Variants in ZNF385D observed in about 807,000 individuals in gnomAD.
ZNF385D encodes zinc finger protein 385D, also known as zinc finger protein 659.
Under a neutral mutation model 35.8 loss-of-function variants are expected in ZNF385D, and 15 were observed. The ratio of observed to expected loss-of-function variants is 0.42; its 90% CI spans 0.28 to 0.64. The LOEUF (loss-of-function observed/expected upper bound fraction) is 0.64. Ranked by LOEUF, ZNF385D falls within the 30% of genes least tolerant of loss-of-function variation. The probability of loss-of-function intolerance (pLI) is 0.23; values close to 1 mark genes in which losing one functional copy is unlikely to be tolerated. For missense variants in ZNF385D, 474 were observed against 494.6 expected, an observed-to-expected ratio of 0.96 and a Z score of 0.39; for synonymous variants, 212 against 186.8, an observed-to-expected ratio of 1.13 and a Z score of -1.10.
At chr3:21,564,389 A>G (rs867753818) in intron 3 of ZNF385D, among the ~76,000 whole-genome samples, 185 bp downstream of exon 3, 3 of 152,370 alleles carry the variant, frequency 2.0e-5, no homozygotes, top group Middle Eastern at 3.4e-3. Context: ...AATTTTCTGT[A>G]GTAAACAACC....
intron 3 of ZNF385D, among the ~76,000 whole-genome samples, chr3:21,771,428 G>C (rs2071074464): frequency 6.6e-6 from 1 of 151,794 alleles, no homozygotes; most frequent in Non-Finnish European, 1.5e-5. Context: ...CCAGTTTTTA[G>C]CAAGAAAATA....
At chr3:21,815,979 T>A (rs1002629851) in intron 3 of ZNF385D, among the ~76,000 whole-genome samples, 7 of 152,112 alleles carry the variant, frequency 4.6e-5, no homozygotes, top group Non-Finnish European at 1.0e-4. Flanking sequence ...AAAGCTTAAC[T>A]GCCATGATCA....
chr3:22,271,195 G>T (rs1701158758), intron 2 of ZNF385D, among the ~76,000 whole-genome samples: 1 of 147,716 alleles, frequency 6.8e-6, no homozygotes, highest in Non-Finnish European at 1.5e-5. Flanking sequence ...ATTGAGCATT[G>T]TCTTTGAGCT....
rs1466084496 is a variant in ZNF385D at position 21,814,880 on chromosome 3, ATTC to A, written c.326-149855_326-149853del. Among the ~76,000 whole-genome samples the A allele has an allele frequency of 8.5e-5, 13 of 152,328 alleles. No homozygotes were observed. In the East Asian group the frequency reaches 2.5e-3, roughly 29 times the overall value. On this transcript the variant is annotated intron_variant, in intron 3 of 5. Coordinates refer to the ZNF385D transcript ENST00000494108. ...TCCACCCCAAATCAACAGAATATAC[ATTC>A]TTCTCAGCACTACATCACACTTATT...
chr3:21,954,435 A>T (rs1011993793), intron 3 of ZNF385D, among the ~76,000 whole-genome samples: 1 of 151,970 alleles, frequency 6.6e-6, no homozygotes, highest in Admixed American at 6.6e-5. Flanking sequence ...GCTCACAAGG[A>T]TCTAAGGAGC....
intron 4 of ZNF385D, among the ~76,000 whole-genome samples, chr3:21,468,222 G>A (rs1254204981): frequency 6.6e-6 from 1 of 151,560 alleles, no homozygotes; most frequent in African/African-American, 2.4e-5. Flanking sequence ...GGCCAACATG[G>A]TGAAACCCAT....
At chr3:21,816,909 C>T (rs961787145) in intron 3 of ZNF385D, among the ~76,000 whole-genome samples, 10 of 152,170 alleles carry the variant, frequency 6.6e-5, no homozygotes, top group African/African-American at 9.7e-5. Flanking sequence ...AAGCTGGAGG[C>T]ATCACACTAC....
At chr3:22,337,322 C>A (rs996755967) in intron 2 of ZNF385D, among the ~76,000 whole-genome samples, 1 of 152,016 alleles carries the variant, frequency 6.6e-6, no homozygotes, top group African/African-American at 2.4e-5. Context: ...TCACTTGAGG[C>A]CAGGAGTTCA....
intron 2 of ZNF385D, among the ~76,000 whole-genome samples, chr3:22,306,558 A>G (rs551709908): frequency 1.4e-3 from 214 of 152,244 alleles, no homozygotes; most frequent in African/African-American, 4.9e-3. Flanking sequence ...ACTGCCGTCT[A>G]TGCAGTGGGA....
At chr3:21,978,574 T>A (rs933612447) in intron 3 of ZNF385D, among the ~76,000 whole-genome samples, 2 of 152,218 alleles carry the variant, frequency 1.3e-5, no homozygotes, top group African/African-American at 4.8e-5. Flanking sequence ...ACGTTTGTAA[T>A]CAGATTTTGC....
At chr3:22,091,813 G>C (rs576509735) in intron 3 of ZNF385D, among the ~76,000 whole-genome samples, 5 of 152,170 alleles carry the variant, frequency 3.3e-5, no homozygotes, top group East Asian at 1.9e-4. Context: ...CTAAACATTT[G>C]TATGTCTCCT....
intron 3 of ZNF385D, among the ~76,000 whole-genome samples, chr3:21,816,187 A>G (rs1386298929): frequency 6.6e-6 from 1 of 152,210 alleles, no homozygotes; most frequent in Non-Finnish European, 1.5e-5. Flanking sequence ...TCTCAAAATA[A>G]TAAGAGCTAT....
upstream of ZNF385D, among the ~76,000 whole-genome samples, chr3:21,752,334 C>G (rs1212678541): frequency 6.6e-6 from 1 of 152,056 alleles, no homozygotes; most frequent in Non-Finnish European, 1.5e-5. Context: ...CAAATATAAA[C>G]AAAGAACTGT....
chr3:22,125,173 T>C (rs112918013), intron 3 of ZNF385D, among the ~76,000 whole-genome samples: 3 of 152,164 alleles, frequency 2.0e-5, no homozygotes, highest in African/African-American at 7.2e-5. Flanking sequence ...GAAGAGACTA[T>C]CCTTTTCCCA....
At chr3:21,822,361 C>T (rs893721599) in intron 3 of ZNF385D, among the ~76,000 whole-genome samples, 5 of 152,064 alleles carry the variant, frequency 3.3e-5, no homozygotes, top group African/African-American at 9.7e-5. Context: ...TGTGAATCAC[C>T]GCGCCCAGCC....
chr3:21,438,583 T>C (rs1701693456), intron 4 of ZNF385D, among the ~76,000 whole-genome samples: 1 of 152,066 alleles, frequency 6.6e-6, no homozygotes, highest in Admixed American at 6.6e-5. Context: ...TCAGAAACAC[T>C]AGTCAATAAA....
intron 3 of ZNF385D, among the ~76,000 whole-genome samples, chr3:21,879,913 G>A (rs1575826330): frequency 6.6e-6 from 1 of 151,884 alleles, no homozygotes; most frequent in Admixed American, 6.6e-5. Flanking sequence ...GCAAGTGGGG[G>A]AACAAACTCT....
intron 3 of ZNF385D, among the ~76,000 whole-genome samples, chr3:21,932,933 G>A (rs1701085086): frequency 6.6e-6 from 1 of 152,094 alleles, no homozygotes; most frequent in South Asian, 2.1e-4. Context: ...TACTGAAATT[G>A]GCTACTGGGA....
At chr3:21,842,844 A>G (rs1044265015) in intron 3 of ZNF385D, among the ~76,000 whole-genome samples, 1 of 152,042 alleles carries the variant, frequency 6.6e-6, no homozygotes, top group African/African-American at 2.4e-5. Context: ...TTCTAAAAAC[A>G]GAATTCAAAA....
Sources: allele counts gnomAD v4.1 joint callset (sites outside exome capture counted in the v4.1 genomes callset), GRCh38; gene constraint gnomAD v4.1.1; transcripts MANE v1.5; gene names NCBI Gene and HGNC (gene_info 2026-07-23, HGNC 2026-07-21).